The following ADAMTS17 variants were observed in gnomAD, a reference collection of about 807,000 sequenced individuals.
ADAMTS17 encodes the protein A disintegrin and metalloproteinase with thrombospondin motifs 17.
ADAMTS17 carries 113 observed loss-of-function variants against 141.5 expected under a neutral mutation model. The ratio of observed to expected loss-of-function variants is 0.80; its 90% CI spans 0.69 to 0.93. The LOEUF is 0.93. Ranked by LOEUF, ADAMTS17 falls within the 40% of genes least tolerant of loss-of-function variation. The pLI is 0.00. For missense variants in ADAMTS17, 1,659 were observed against 1,517.9 expected (o/e 1.09, Z -1.54); for synonymous variants, 768 against 630.6 (o/e 1.22, Z -3.27).
At chr15:100,119,184 C>G (rs970975921) in intron 12 of ADAMTS17, among the ~76,000 whole-genome samples, 2 of 152,086 alleles carry the variant, frequency 1.3e-5, no homozygotes, top group African/African-American at 4.8e-5. Context: ...CCTGTCGACA[C>G]CCTGATTTGG....
At chr15:100,136,700 A>C (rs555210350) in intron 10 of ADAMTS17, among the ~76,000 whole-genome samples, 1 of 152,236 alleles carries the variant, frequency 6.6e-6, no homozygotes, top group South Asian at 2.1e-4. Flanking sequence ...AAAGAAGAGA[A>C]CTAAAGTGAT....
intron 12 of ADAMTS17, chr15:100,126,439 CA>C (rs2037739135): frequency 6.6e-6 from 1 of 152,204 alleles, no homozygotes; most frequent in Non-Finnish European, 1.5e-5. Flanking sequence ...TGGGGAAAAA[CA>C]AGGCTGGGTT....
intron 10 of ADAMTS17, among the ~76,000 whole-genome samples, chr15:100,139,646 T>A (rs892753602): frequency 6.6e-6 from 1 of 152,250 alleles, no homozygotes; most frequent in African/African-American, 2.4e-5. Flanking sequence ...AAGGCTAGCA[T>A]CACCAGTAAC....
At chr15:100,003,829 G>A (rs2060978536) in intron 18 of ADAMTS17, among the ~76,000 whole-genome samples, 1 of 152,042 alleles carries the variant, frequency 6.6e-6, no homozygotes, top group Non-Finnish European at 1.5e-5. Flanking sequence ...GATTTATAGA[G>A]ACAAAGTAGA....
chr15:100,242,666 C>G (rs2042862340), intron 7 of ADAMTS17, among the ~76,000 whole-genome samples: 1 of 152,198 alleles, frequency 6.6e-6, no homozygotes, highest in African/African-American at 2.4e-5. Context: ...CCTCCCTCAC[C>G]TCCCAGGGGA....
rs767714599 is a variant in ADAMTS17 at position 100,261,535 on chromosome 15, C to G, written c.975G>C (p.Gln325His). Residue 325 changes from glutamine to histidine, a missense_variant, in exon 6 of 22, where the codon CAG (glutamine) becomes CAC (histidine). Coordinates refer to ENST00000268070, the MANE Select transcript of ADAMTS17 (RefSeq NM_139057.4). ...GCGGGTCGTCCTTCCCGCCGGGAAC[C>G]TGGTTATTGCCGAGGTATCGCGCTC... ...YGGARYLGNN[Q>H]VPGGKDDPPL... 6 of 1,614,204 alleles carry G rather than the reference C, an allele frequency of 3.7e-6. No homozygotes were observed. Among genetic ancestry groups the G allele is most frequent in the Non-Finnish European group, 5.1e-6 (6 of 1,180,040 alleles).
chr15:100,335,530 TTCTC>T (rs1028463910), intron 2 of ADAMTS17, among the ~76,000 whole-genome samples: 4 of 152,192 alleles, frequency 2.6e-5, no homozygotes, highest in South Asian at 4.1e-4. Context: ...TGCATTGTCT[TTCTC>T]TCTGAGCCTT....
rs1344746764 is a variant in ADAMTS17 at position 99,993,094 on chromosome 15, T to C, written c.2903A>G (p.Glu968Gly). The change falls in exon 20 of 22, where the codon GAG becomes GGG. Residue 968 changes from glutamate to glycine, a missense_variant. Glu to Gly is a moderately conservative substitution (Grantham distance 98). Transcript: ENST00000268070. The surrounding 1 kb of genome is among the most constrained non-coding windows in gnomAD (Gnocchi z 4.3). Reference sequence around the variant, plus strand: ...CCACTCGTAGCAGCCTGAGTAGTCCTCGCAGGCCTCCTCGGCTCTCGGCCT... The same window carrying C: ...CCACTCGTAGCAGCCTGAGTAGTCCCCGCAGGCCTCCTCGGCTCTCGGCCT... ...STRPRAEEAC[E>G]DYSGCYEWKT... 5 of 1,614,148 alleles carry C rather than the reference T, an allele frequency of 3.1e-6. No homozygotes were observed. The highest frequency in any genetic ancestry group is 3.4e-6 in the Non-Finnish European group (4 of 1,180,042).
At chr15:100,146,806 T>C (rs2038928993) in intron 10 of ADAMTS17, among the ~76,000 whole-genome samples, 2 of 47,862 alleles carry the variant, frequency 4.2e-5, no homozygotes, top group East Asian at 1.2e-3. Context: ...TGGGTGTGGT[T>C]GTCTCTTATG....
At chr15:100,003,444 C>A (rs79362652) in intron 18 of ADAMTS17, among the ~76,000 whole-genome samples, 3,270 of 152,162 alleles carry the variant, frequency 0.021, 56 homozygotes, top group East Asian at 0.074. Context: ...TCTCAGTCAG[C>A]AGGGTTGGCC....
chr15:100,042,099 C>G (rs1361502981), intron 18 of ADAMTS17, among the ~76,000 whole-genome samples: 1 of 152,182 alleles, frequency 6.6e-6, no homozygotes, highest in East Asian at 1.9e-4. Context: ...ATTTGTAATC[C>G]AGACCCTCCA....
chr15:100,041,749 G>T (rs2031276687), intron 18 of ADAMTS17, among the ~76,000 whole-genome samples: 1 of 152,196 alleles, frequency 6.6e-6, no homozygotes, highest in Non-Finnish European at 1.5e-5. Flanking sequence ...GCAGGGTTTG[G>T]GAGAAGTATC....
intron 7 of ADAMTS17, among the ~76,000 whole-genome samples, chr15:100,205,922 C>A (rs997232914): frequency 6.6e-6 from 1 of 152,292 alleles, no homozygotes; most frequent in Admixed American, 6.5e-5. Flanking sequence ...CCAGGTCTGG[C>A]CCCTCCAGAG....
At chr15:100,314,204 G>T (rs1027859144) in intron 3 of ADAMTS17, among the ~76,000 whole-genome samples, 11 of 152,222 alleles carry the variant, frequency 7.2e-5, no homozygotes, top group African/African-American at 2.7e-4. Context: ...GATTGGAGAA[G>T]ACTCGGAAGA....
chr15:99,990,292 T>G (rs1204201902), intron 20 of ADAMTS17, among the ~76,000 whole-genome samples: 1 of 152,106 alleles, frequency 6.6e-6, no homozygotes, highest in Admixed American at 6.6e-5. Flanking sequence ...TGCCTTGGCC[T>G]CCCAAAGTGC....
intron 18 of ADAMTS17, among the ~76,000 whole-genome samples, chr15:100,009,800 T>C (rs2061122357): frequency 6.6e-6 from 1 of 152,166 alleles, no homozygotes; most frequent in Non-Finnish European, 1.5e-5. Context: ...TTTCTAACTT[T>C]CAACAGATTT....
At chr15:100,209,930 G>C (rs2041735951) in intron 7 of ADAMTS17, among the ~76,000 whole-genome samples, 1 of 152,128 alleles carries the variant, frequency 6.6e-6, no homozygotes, top group Non-Finnish European at 1.5e-5. Context: ...CAAAGGTCAA[G>C]AAAAACAAAT....
intron 7 of ADAMTS17, among the ~76,000 whole-genome samples, chr15:100,228,890 G>A (rs1463633016): frequency 2.0e-5 from 3 of 152,192 alleles, no homozygotes; most frequent in Non-Finnish European, 4.4e-5. Flanking sequence ...CACCCACAGT[G>A]TCACCTGCCT....
At chr15:100,071,716 T>C (rs2033985155) in intron 15 of ADAMTS17, among the ~76,000 whole-genome samples, 1 of 150,418 alleles carries the variant, frequency 6.6e-6, no homozygotes, top group Non-Finnish European at 1.5e-5. Flanking sequence ...CAACTCTTCA[T>C]GCTAAAAACT....
Sources: gnomAD v4.1 joint callset for allele counts (sites outside exome capture counted in the v4.1 genomes callset) on GRCh38, gnomAD v4.1.1 for gene constraint, Gnocchi (gnomAD v3.1) non-coding constraint, MANE v1.5 for transcripts, NCBI Gene and HGNC (gene_info 2026-07-23, HGNC 2026-07-21) for gene names.